Variants in BEST3 observed in about 807,000 individuals in gnomAD.
BEST3 encodes bestrophin 3, also known as bestrophin-3.
A neutral mutation model predicts 47.1 loss-of-function variants in BEST3; 50 were observed. The ratio of observed to expected loss-of-function variants is 1.06; its 90% confidence interval spans 0.85 to 1.34. The LOEUF is 1.34. Ranked by LOEUF, BEST3 falls within the 40% of genes most tolerant of loss-of-function variation. The pLI, the probability that BEST3 is intolerant of heterozygous loss-of-function variation, is 0.00. For missense variants in BEST3, 765 were observed against 817.0 expected (o/e 0.94, Z 0.78); for synonymous variants, 282 against 298.8 (o/e 0.94, Z 0.58).
chr12:69,671,215 A>G (rs1884547419), intron 9 of BEST3, among the ~76,000 whole-genome samples: 1 of 152,208 alleles, frequency 6.6e-6, no homozygotes, highest in African/African-American at 2.4e-5. Flanking sequence ...CCCAGGCTGG[A>G]GTGCAATGGC....
intron 4 of BEST3, among the ~76,000 whole-genome samples, chr12:69,680,921 C>T (rs1391443936): frequency 7.0e-6 from 1 of 143,864 alleles, no homozygotes; most frequent in Admixed American, 7.5e-5. Flanking sequence ...AATGGCTGCT[C>T]TCTATATATT....
At chr12:69,645,106 G>C (rs1435390323) in intron 9 of BEST3, among the ~76,000 whole-genome samples, 1 of 152,152 alleles carries the variant, frequency 6.6e-6, no homozygotes, top group Non-Finnish European at 1.5e-5. Flanking sequence ...TTTTCTGGTT[G>C]ATGAAATGCC....
At chr12:69,671,360 A>T in intron 9 of BEST3, 68 bp downstream of exon 9, 7 of 1,221,864 alleles carry the variant, frequency 5.7e-6, no homozygotes, top group East Asian at 2.7e-5. Flanking sequence ...TTTTTTTTTT[A>T]TAGAGACAAG....
chr12:69,682,591 A>G (rs1193838690), intron 4 of BEST3, among the ~76,000 whole-genome samples: 1 of 148,542 alleles, frequency 6.7e-6, no homozygotes, highest in Non-Finnish European at 1.5e-5. Context: ...TTCAATTTTT[A>G]ATGGGACAGA....
Position 69,665,959 on chromosome 12 carries a change from T to G in BEST3, c.1100+5469A>C, listed in dbSNP as rs1167495218. ...ACAAGACTGGCCGTAACTTGATAAT[T>G]GAAGTGGTGATGGGTACATGGAGCT... On this transcript the variant is annotated intron_variant, in intron 9 of 9. Coordinates refer to ENST00000330891, the MANE Select transcript of BEST3 (RefSeq NM_032735.3). 4.6e-5 allele frequency among the ~76,000 whole-genome samples: 7 copies of G among 152,144 alleles called. No individual in the cohort carries two copies. The East Asian group carries it at 1.3e-3, about 29-fold the overall frequency.
Position 69,654,254 on chromosome 12 carries a change from G to C in BEST3, c.*653C>G. On this transcript the variant is annotated 3_prime_UTR_variant, in exon 10 of 10. Coordinates refer to ENST00000330891, the MANE Select transcript of BEST3 (RefSeq NM_032735.3). ...ACTAGAAAAGCAGCACAACCAGGGAGAAGGGAAGGGAAAAAAAGGATGACA... is the reference window on the plus strand; with the variant it reads ...ACTAGAAAAGCAGCACAACCAGGGACAAGGGAAGGGAAAAAAAGGATGACA... The C allele has an allele frequency of 1.0e-6, 1 of 984,930 alleles. No homozygotes were observed. 61.0% of individuals were successfully genotyped at this position (984,930 alleles called of 1,614,324 possible).
intron 2 of BEST3, among the ~76,000 whole-genome samples, chr12:69,694,944 T>C (rs905843459): frequency 6.6e-6 from 1 of 152,182 alleles, no homozygotes; most frequent in Non-Finnish European, 1.5e-5. Flanking sequence ...ATGTGTATAA[T>C]ATCCCTTCAA....
intron 7 of BEST3, among the ~76,000 whole-genome samples, 161 bp from the exon 8 acceptor site, chr12:69,673,126 A>C (rs1337619351): frequency 6.6e-6 from 1 of 152,222 alleles, no homozygotes; most frequent in Non-Finnish European, 1.5e-5. Flanking sequence ...ATTAGCGAGC[A>C]AGACATGATT....
chr12:69,647,160 T>C (rs1440698981), intron 9 of BEST3, among the ~76,000 whole-genome samples: 1 of 152,230 alleles, frequency 6.6e-6, no homozygotes, highest in African/African-American at 2.4e-5. Context: ...CCACCTTTGC[T>C]GATCCCAGGC....
At position 69,654,829 on chromosome 12, in the gene BEST3, G is replaced by A. The variant is rs1883354636; in HGVS notation, c.*78C>T. On this transcript the variant is annotated 3_prime_UTR_variant, in exon 10 of 10. Transcript: ENST00000330891. Reference sequence around the variant, plus strand: ...TTTTAAAAAGTCGACCAGCCTTCAGGTATGTCCTGGGCCTAATATGCTGCT... The same window carrying A: ...TTTTAAAAAGTCGACCAGCCTTCAGATATGTCCTGGGCCTAATATGCTGCT... 5 of 1,519,582 alleles carry A rather than the reference G, an allele frequency of 3.3e-6. No individual in the cohort carries two copies. The highest frequency in any genetic ancestry group is 3.5e-6 in the Non-Finnish European group (4 of 1,136,898). 94.1% of individuals were successfully genotyped at this position (1,519,582 alleles called of 1,614,324 possible). A position where few individuals can be genotyped will look rare whatever the true frequency, so the allele number is the denominator to read the frequency against.
At chr12:69,650,427 T>C (rs182532423), downstream of BEST3, among the ~76,000 whole-genome samples, 30 of 152,334 alleles carry the variant, frequency 2.0e-4, no homozygotes, top group Admixed American at 1.2e-3. Flanking sequence ...CTATCTGACA[T>C]AGTTCAACAA....
At position 69,671,510 on chromosome 12, in the gene BEST3, C is replaced by A. The variant is rs781599639; in HGVS notation, c.1018G>T (p.Asp340Tyr). Residue 340 changes from aspartate to tyrosine, a missense_variant, in exon 9 of 10, where the codon GAT (aspartate) becomes TAT (tyrosine). Transcript: ENST00000330891. The stretch of plus-strand genomic sequence containing the variant: ...GTGTATGGTGGGCGAGCAGCAGAAT[C>A]GTCCCAGTAAATGTCCTTCTTCATC... ...PKMKKDIYWDDSAARPPYTLA... is the reference protein window; with the variant it reads ...PKMKKDIYWDYSAARPPYTLA... 11 of 1,613,816 alleles carry A rather than the reference C, an allele frequency of 6.8e-6. No individual in the cohort carries two copies. The highest frequency in any genetic ancestry group is 9.3e-6 in the Non-Finnish European group (11 of 1,179,862).
In BEST3 at chr12:69,686,185, G is replaced by GAAAAAAAAAA. The variant is rs372482477; in HGVS notation, c.482-7302_482-7293dup. Among the ~76,000 whole-genome samples the GAAAAAAAAAA allele has an allele frequency of 1.7e-5, 2 of 117,796 alleles. 1 individual carries two copies. 77.3% of individuals were successfully genotyped at this position (117,796 alleles called of 152,430 possible). A position where few individuals can be genotyped will look rare whatever the true frequency, so the allele number is the denominator to read the frequency against. ...ACCCCAGAGCTGTGTAATGGATCAG[G>GAAAAAAAAAA]AAAAAAAAAAAAACAAACAGCCCAC... On this transcript the variant is annotated intron_variant, in intron 4 of 9. Coordinates refer to ENST00000330891, the MANE Select transcript of BEST3 (RefSeq NM_032735.3).
downstream of BEST3, among the ~76,000 whole-genome samples, chr12:69,653,008 T>C (rs554982504): frequency 6.6e-6 from 1 of 152,348 alleles, no homozygotes; most frequent in South Asian, 2.1e-4. Flanking sequence ...TAATATTATT[T>C]CTTTTCAGTC....
chr12:69,664,698 A>G (rs1884081026), intron 9 of BEST3, among the ~76,000 whole-genome samples: 1 of 147,396 alleles, frequency 6.8e-6, no homozygotes, highest in Non-Finnish European at 1.5e-5. Context: ...ATATTTATAT[A>G]TTATATAAAT....
chr12:69,649,903 TACA>T (rs1382504723), downstream of BEST3, among the ~76,000 whole-genome samples: 1 of 152,242 alleles, frequency 6.6e-6, no homozygotes, highest in Non-Finnish European at 1.5e-5. Flanking sequence ...GGATACAAGA[TACA>T]ACATTCCCTT....
At chr12:69,657,514 T>A (rs1390761553) in intron 9 of BEST3, among the ~76,000 whole-genome samples, 2 of 152,140 alleles carry the variant, frequency 1.3e-5, no homozygotes, top group Non-Finnish European at 2.9e-5. Context: ...TTGCCACACA[T>A]CTCTGTGGAA....
At chr12:69,695,701 A>G (rs1886107500) in intron 2 of BEST3, among the ~76,000 whole-genome samples, 1 of 152,148 alleles carries the variant, frequency 6.6e-6, no homozygotes. Flanking sequence ...GACACTTATG[A>G]ATTTGGACTT....
chr12:69,671,346 C>T, intron 9 of BEST3, 82 bp downstream of exon 9: 3 of 1,077,130 alleles, frequency 2.8e-6, no homozygotes, highest in African/African-American at 1.7e-5. Context: ...TATTTTATTT[C>T]TTTTTTTTTT....
Sources: gnomAD v4.1 joint callset for allele counts (sites outside exome capture counted in the v4.1 genomes callset) on GRCh38, gnomAD v4.1.1 for gene constraint, MANE v1.5 for transcripts, NCBI Gene and HGNC (gene_info 2026-07-23, HGNC 2026-07-21) for gene names.